Variants in CPLANE1 observed in about 807,000 individuals in gnomAD.
The protein encoded by CPLANE1 is ciliogenesis and planar polarity effector 1.
A neutral mutation model predicts 362.5 loss-of-function variants in CPLANE1; 263 were observed. The ratio of observed to expected loss-of-function variants is 0.73; its 90% CI spans 0.66 to 0.80. The LOEUF (loss-of-function observed/expected upper bound fraction) is 0.80, where lower values mean the gene tolerates loss of function less well. Among genes scored for constraint, CPLANE1 ranks in the 30% least tolerant of loss-of-function variants. The probability of loss-of-function intolerance (pLI) is 0.00; values close to 1 mark genes in which losing one functional copy is unlikely to be tolerated. For missense variants in CPLANE1, 3,461 were observed against 3,793.4 expected (o/e 0.91, Z 2.30); for synonymous variants, 1,212 against 1,302.6 (o/e 0.93, Z 1.50).
intron 8 of CPLANE1, among the ~76,000 whole-genome samples, chr5:37,232,539 A>AG (rs1422859693): frequency 1.1e-4 from 16 of 151,040 alleles, no homozygotes; most frequent in East Asian, 5.8e-4. Flanking sequence ...AAAAAAAAAA[A>AG]AGACTAGGCT....
intron 9 of CPLANE1, among the ~76,000 whole-genome samples, chr5:37,229,360 C>A (rs1407211200): frequency 2.0e-5 from 3 of 151,098 alleles, no homozygotes. Flanking sequence ...ACCATCCTGG[C>A]CAACATGGTG....
chr5:37,161,080 T>C (rs957540741), intron 38 of CPLANE1, among the ~76,000 whole-genome samples: 1 of 152,180 alleles, frequency 6.6e-6, no homozygotes, highest in African/African-American at 2.4e-5. Context: ...TGAAGCATAA[T>C]TTGTAGGAGA....
intron 50 of CPLANE1, 46 bp from the exon 51 acceptor site, chr5:37,115,095 AT>A: frequency 8.5e-7 from 1 of 1,172,208 alleles, no homozygotes; most frequent in Non-Finnish European, 1.3e-6. Flanking sequence ...GACATCCATG[AT>A]TTTTATATAT....
intron 42 of CPLANE1, among the ~76,000 whole-genome samples, chr5:37,150,436 A>T (rs1355457467): frequency 6.6e-6 from 1 of 152,074 alleles, no homozygotes; most frequent in Non-Finnish European, 1.5e-5. Context: ...GCTGCTTTTG[A>T]GGAACTGCCT....
At chr5:37,095,073 GTCTT>G in the CPLANE1 span, among the ~76,000 whole-genome samples, 1 of 152,088 alleles carries the variant, frequency 6.6e-6, no homozygotes, top group Admixed American at 6.6e-5. Context: ...ACCCTCCTAA[GTCTT>G]TCTATGAAGC....
At chr5:37,096,246 A>T in the CPLANE1 span, among the ~76,000 whole-genome samples, 1,111 of 152,224 alleles carry the variant, frequency 7.3e-3, 18 homozygotes, top group African/African-American at 0.025. Context: ...ACCAGAAGTA[A>T]ACCGAAATAC....
chr5:37,125,085 A>G, intron 47 of CPLANE1, 159 bp downstream of exon 47: 1 of 1,371,108 alleles, frequency 7.3e-7, no homozygotes, highest in Non-Finnish European at 9.6e-7. Flanking sequence ...ACATTTTAAG[A>G]TAATTTATTA....
chr5:37,104,889 C>T (rs571822244), downstream of CPLANE1, among the ~76,000 whole-genome samples: 4 of 152,256 alleles, frequency 2.6e-5, no homozygotes, highest in Admixed American at 1.3e-4. Context: ...TGCCATTGCA[C>T]TCCAGCCTGG....
chr5:37,180,987 T>C lies in CPLANE1; in HGVS notation c.5440A>G (p.Thr1814Ala), dbSNP rs760844546. 3 of 1,613,950 alleles carry C rather than the reference T, an allele frequency of 1.9e-6. No homozygotes were observed. Among genetic ancestry groups the C allele is most frequent in the South Asian group, 1.1e-5 (1 of 91,082 alleles). The change falls in exon 27 of 53, where the codon ACT becomes GCT. Residue 1814 changes from threonine to alanine, a missense_variant. By Grantham distance (58) the Thr-to-Ala change is moderately conservative. Coordinates refer to ENST00000651892, the MANE Select transcript of CPLANE1 (RefSeq NM_001384732.1). ...ATATTGGGTCCAATCTGACACCCAG[T>C]GTCACGATTCTCTACCATCTAAAGC... ...AIIKMVENRDTGCQIGPNIER... is the reference protein window; with the variant it reads ...AIIKMVENRDAGCQIGPNIER...
chr5:37,138,702 G>T lies in CPLANE1; in HGVS notation c.8792+18C>A, dbSNP rs1249014749. On this transcript the variant is annotated intron_variant, in intron 46 of 52. Transcript: ENST00000651892. ...GAAGCATTTTAAACAGGTTAAAAAT[G>T]AATTATTCAATGATTACCTGGAGGT... 1 of 1,595,546 alleles carries T rather than the reference G, an allele frequency of 6.3e-7. No individual in the cohort carries two copies. Among genetic ancestry groups the T allele is most frequent in the African/African-American group, 1.4e-5 (1 of 73,906 alleles).
chr5:37,158,029 C>A (rs775225415), intron 39 of CPLANE1, 161 bp from the exon 40 acceptor site: 112 of 768,282 alleles, frequency 1.5e-4, no homozygotes, highest in Non-Finnish European at 2.1e-4. Context: ...GGAAAAGGAG[C>A]AGGAAGTATG....
intron 42 of CPLANE1, among the ~76,000 whole-genome samples, chr5:37,150,449 T>C (rs1431251969): frequency 2.0e-5 from 3 of 152,086 alleles, no homozygotes; most frequent in Non-Finnish European, 4.4e-5. Flanking sequence ...AACTGCCTAC[T>C]TATCTCACAG....
At chr5:37,169,636 T>A (rs775917233) in intron 33 of CPLANE1, 75 bp from the exon 34 acceptor site, 3 of 1,267,000 alleles carry the variant, frequency 2.4e-6, no homozygotes, top group Non-Finnish European at 2.2e-6. Context: ...GCATTCAGTA[T>A]GTTTTGCAGT....
the CPLANE1 span, among the ~76,000 whole-genome samples, chr5:37,093,294 G>T: frequency 1.3e-5 from 2 of 152,152 alleles, no homozygotes; most frequent in African/African-American, 4.8e-5. Flanking sequence ...AGCCCTTGAG[G>T]CTGCTTTAAA....
At position 37,175,914 on chromosome 5, in the gene CPLANE1, A is replaced by C. The variant is rs1198846058; in HGVS notation, c.5973T>G (p.Ile1991Met). ...TAGTAGGCAAAACTTCTTACCTAGA[A>C]ATTTCTGAACTCGTATCTACTTGCA... Reference protein sequence around the residue: ...QSMQVDTSSEISSAQISTYKE... With the variant: ...QSMQVDTSSEMSSAQISTYKE... The change falls in exon 31 of 53, where the codon ATT (isoleucine) becomes ATG (methionine). Residue 1991 changes from isoleucine to methionine, a missense_variant. Ile to Met is a conservative substitution (Grantham distance 10, BLOSUM62 1). Coordinates refer to ENST00000651892, the MANE Select transcript of CPLANE1 (RefSeq NM_001384732.1). 6.2e-7 allele frequency: 1 copy of C among 1,611,536 alleles called. No homozygotes were observed. Among genetic ancestry groups the C allele is most frequent in the Non-Finnish European group, 8.5e-7 (1 of 1,178,158 alleles).
At position 37,122,440 on chromosome 5, in the gene CPLANE1, C is replaced by T. The variant is rs374386158; in HGVS notation, c.9007G>A (p.Glu3003Lys). Residue 3003 changes from glutamate to lysine, a missense_variant, in exon 48 of 53, where the codon GAA (glutamate) becomes AAA (lysine). Coordinates refer to ENST00000651892, the MANE Select transcript of CPLANE1 (RefSeq NM_001384732.1). ...EIRLRQKMKH[E>K]KDRLLLSEHY... ...AGCTACCAAACTCACCTGTCTTTTT[C>T]ATGCTTCATCTTTTGTCTCAGCCTT... The T allele has an allele frequency of 1.9e-6, 3 of 1,612,750 alleles. No homozygotes were observed. The African/African-American group carries it at 4.0e-5, about 22-fold the overall frequency.
At chr5:37,224,223 T>A (rs1795969884) in intron 14 of CPLANE1, 30 bp downstream of exon 14, 1 of 1,440,440 alleles carries the variant, frequency 6.9e-7, no homozygotes. Flanking sequence ...CTGCTAATAT[T>A]ATGGCACATA....
At chr5:37,241,456 AAAAT>A (rs1292006449) in intron 6 of CPLANE1, among the ~76,000 whole-genome samples, 1 of 151,874 alleles carries the variant, frequency 6.6e-6, no homozygotes, top group Admixed American at 6.6e-5. Context: ...CTCTATCTCA[AAAAT>A]AAATAGATAG....
the CPLANE1 span, among the ~76,000 whole-genome samples, chr5:37,076,874 AAAAC>A: frequency 6.7e-6 from 1 of 149,406 alleles, no homozygotes; most frequent in African/African-American, 2.5e-5. Context: ...AGATGATACT[AAAAC>A]ATTTACTGAA....
Sources: gnomAD v4.1 joint callset for allele counts (sites outside exome capture counted in the v4.1 genomes callset) on GRCh38, gnomAD v4.1.1 for gene constraint, MANE v1.5 for transcripts, NCBI Gene and HGNC (gene_info 2026-07-23, HGNC 2026-07-21) for gene names.